The following RHOBTB1 variants were observed in gnomAD, a reference collection of about 807,000 sequenced individuals.
RHOBTB1 encodes the protein Rho related BTB domain containing 1.
RHOBTB1 carries 40 observed loss-of-function variants against 71.6 expected under a neutral mutation model. The observed-to-expected ratio is 0.56, with a 90% CI of 0.43 to 0.73. The LOEUF (loss-of-function observed/expected upper bound fraction) is 0.73. Among genes scored for constraint, RHOBTB1 ranks in the 30% least tolerant of loss-of-function variants. The probability of loss-of-function intolerance (pLI) is 0.00; values close to 1 mark genes in which losing one functional copy is unlikely to be tolerated. For missense variants in RHOBTB1, 797 were observed against 894.0 expected (o/e 0.89, Z 1.38); for synonymous variants, 319 against 334.9 (o/e 0.95, Z 0.52).
intron 2 of RHOBTB1, among the ~76,000 whole-genome samples, chr10:60,971,823 A>G (rs1425211541): frequency 6.6e-6 from 1 of 152,224 alleles, no homozygotes; most frequent in Non-Finnish European, 1.5e-5. Context: ...TCCAGAATCT[A>G]CAAAGAACTT....
chr10:60,887,760 T>G lies in RHOBTB1; in HGVS notation c.1456+452A>C, dbSNP rs929903072. 1.5e-4 allele frequency among the ~76,000 whole-genome samples: 23 copies of G among 152,220 alleles called. 1 individual carries two copies. Among genetic ancestry groups the G allele is most frequent in the Admixed American group, 1.5e-3 (23 of 15,286 alleles). ...ATCACTGATTTTTGTCATGGGTCAG[T>G]GCTGAAGGGTCAATGGAGAATAGAA... is the stretch of plus-strand genomic sequence containing the variant. On this transcript the variant is annotated intron_variant, in intron 6 of 10. Coordinates refer to ENST00000337910, the MANE Select transcript of RHOBTB1 (RefSeq NM_014836.5).
chr10:60,992,397 T>C (rs1284317789), intron 1 of RHOBTB1, among the ~76,000 whole-genome samples: 7 of 152,112 alleles, frequency 4.6e-5, no homozygotes, highest in African/African-American at 1.7e-4. Context: ...TAAGAGTCAT[T>C]ACAAGGGGAG....
the RHOBTB1 span, among the ~76,000 whole-genome samples, chr10:60,864,273 G>A: frequency 6.6e-6 from 1 of 152,154 alleles, no homozygotes; most frequent in Non-Finnish European, 1.5e-5. Context: ...GGAACTAAAT[G>A]AGACAAATGC....
intron 4 of RHOBTB1, among the ~76,000 whole-genome samples, chr10:60,895,062 G>T (rs1283267689): frequency 5.9e-5 from 9 of 152,182 alleles, no homozygotes; most frequent in African/African-American, 2.2e-4. Flanking sequence ...TGGAAAAAAA[G>T]GAATCTTGTG....
chr10:60,873,717 G>A (rs921909369), intron 9 of RHOBTB1, among the ~76,000 whole-genome samples: 31 of 152,244 alleles, frequency 2.0e-4, no homozygotes, highest in Non-Finnish European at 4.1e-4. Context: ...TGAACAACCA[G>A]TTTTGATGGG....
intron 2 of RHOBTB1, among the ~76,000 whole-genome samples, chr10:60,914,739 A>G (rs894933975): frequency 6.6e-6 from 1 of 152,222 alleles, no homozygotes; most frequent in African/African-American, 2.4e-5. Flanking sequence ...TATTAAGGCT[A>G]TGATTACAAA....
the RHOBTB1 span, among the ~76,000 whole-genome samples, chr10:60,864,138 C>A: frequency 6.6e-6 from 1 of 152,176 alleles, no homozygotes; most frequent in Non-Finnish European, 1.5e-5. Context: ...TCACCCTTTC[C>A]AGTCGCCCCC....
At chr10:60,953,298 C>A (rs924278803) in intron 2 of RHOBTB1, among the ~76,000 whole-genome samples, 2 of 152,010 alleles carry the variant, frequency 1.3e-5, no homozygotes, top group African/African-American at 4.8e-5. Context: ...CATACAAGAC[C>A]CCATTAGTTC....
intron 2 of RHOBTB1, among the ~76,000 whole-genome samples, chr10:60,962,890 C>A (rs1350472697): frequency 6.6e-6 from 1 of 152,180 alleles, no homozygotes; most frequent in Non-Finnish European, 1.5e-5. Context: ...AGCAATGCCA[C>A]TTAAAATATC....
chr10:60,935,677 A>C (rs2084537615), intron 2 of RHOBTB1, among the ~76,000 whole-genome samples: 1 of 152,198 alleles, frequency 6.6e-6, no homozygotes, highest in Admixed American at 6.5e-5. Context: ...CAGGCCCATT[A>C]GTGCCAGTAT....
rs146709645 is a variant in RHOBTB1, at chr10:60,964,754, T to C, written c.-62+21091A>G. On this transcript the variant is annotated intron_variant, in intron 2 of 11. Transcript: ENST00000357917. ...AAGTTAGTTTGTATAGAGAAAAATA[T>C]GCGAAAATTTCCAAACTGTTACTTA... 5.1e-4 allele frequency among the ~76,000 whole-genome samples: 78 copies of C among 152,176 alleles called. No homozygotes were observed. The East Asian group carries it at 0.014, about 27-fold the overall frequency.
At chr10:60,875,853 A>G (rs184418288) in intron 8 of RHOBTB1, among the ~76,000 whole-genome samples, 1 of 152,190 alleles carries the variant, frequency 6.6e-6, no homozygotes, top group Non-Finnish European at 1.5e-5. Flanking sequence ...TTGCCTTTGT[A>G]AGGGCTGTCA....
rs866234994 is a variant in RHOBTB1 at position 60,910,449 on chromosome 10, C to T, written c.296+438G>A. On this transcript the variant is annotated intron_variant, in intron 4 of 10. Coordinates refer to ENST00000337910, the MANE Select transcript of RHOBTB1 (RefSeq NM_014836.5). ...TAAAAATAATAGACTTTTCAGATAA[C>T]ACAAAATCCAAAGCAAATAACATTA... 3.9e-5 allele frequency among the ~76,000 whole-genome samples: 6 copies of T among 152,194 alleles called. No individual in the cohort carries two copies. The Middle Eastern group carries it at 0.01, about 259-fold the overall frequency.
At chr10:60,933,400 TA>T (rs2084371921) in intron 2 of RHOBTB1, among the ~76,000 whole-genome samples, 1 of 152,174 alleles carries the variant, frequency 6.6e-6, no homozygotes, top group East Asian at 1.9e-4. Context: ...GGAAAAATAA[TA>T]AATGTATAGA....
Position 60,888,437 on chromosome 10 carries a change from A to C in RHOBTB1, c.1231T>G (p.Phe411Val), listed in dbSNP as rs2081711490. 3 of 1,614,054 alleles carry C rather than the reference A, an allele frequency of 1.9e-6. No individual in the cohort carries two copies. The African/African-American group carries it at 4.0e-5, about 22-fold the overall frequency. Residue 411 changes from phenylalanine to valine, a missense_variant, in exon 6 of 11, where the codon TTT (phenylalanine) becomes GTT (valine). Transcript: ENST00000337910. The stretch of plus-strand genomic sequence containing the variant: ...TAAAGAAACTGGAGCAGGGTCCGAA[A>C]AGGGCCTGGCTGGACTGAAGCGTCC... Reference protein sequence around the residue: ...RMDASVQPGPFRTLLQFLYTG... With the variant: ...RMDASVQPGPVRTLLQFLYTG...
At chr10:60,971,635 G>A (rs1292717434) in intron 2 of RHOBTB1, among the ~76,000 whole-genome samples, 1 of 152,086 alleles carries the variant, frequency 6.6e-6, no homozygotes, top group African/African-American at 2.4e-5. Flanking sequence ...ACAGGCATGG[G>A]CAAAGACTTC....
chr10:60,865,265 A>G (rs551695126), downstream of RHOBTB1, among the ~76,000 whole-genome samples: 4 of 152,342 alleles, frequency 2.6e-5, no homozygotes, highest in South Asian at 6.2e-4. Context: ...TTTTCTTTAG[A>G]TTTCATATGT....
At chr10:60,908,916 C>A (rs1444063377) in intron 4 of RHOBTB1, among the ~76,000 whole-genome samples, 1 of 152,176 alleles carries the variant, frequency 6.6e-6, no homozygotes, top group African/African-American at 2.4e-5. Context: ...TGAAGCCCCT[C>A]AATGTTGCTC....
At chr10:60,955,033 T>TTCTG (rs1209782216) in intron 2 of RHOBTB1, among the ~76,000 whole-genome samples, 2 of 135,780 alleles carry the variant, frequency 1.5e-5, no homozygotes, top group Non-Finnish European at 3.2e-5. Context: ...ATCTTTTCTT[T>TTCTG]TCTTTCTTTC....
Sources: allele counts gnomAD v4.1 joint callset (sites outside exome capture counted in the v4.1 genomes callset), GRCh38; gene constraint gnomAD v4.1.1; transcripts MANE v1.5; gene names NCBI Gene and HGNC (gene_info 2026-07-23, HGNC 2026-07-21).